ATAD2B: variants seen among roughly 807,000 people sequenced by gnomAD.
ATAD2B encodes ATPase family AAA domain containing 2B, also known as ATPase family AAA domain-containing protein 2B.
Under a neutral mutation model 167.6 loss-of-function variants are expected in ATAD2B, and 40 were observed. The ratio of observed to expected loss-of-function variants is 0.24; its 90% CI spans 0.19 to 0.31. The LOEUF is 0.31. ATAD2B is among the 10% of genes least tolerant of loss of function. The pLI is 1.00. For synonymous variants in ATAD2B, 579 were observed against 596.5 expected, an observed-to-expected ratio of 0.97 and a Z score of 0.43; for missense variants, 1,242 against 1,757.2, an observed-to-expected ratio of 0.71 and a Z score of 5.24.
At chr2:23,762,937 G>A (rs956896341) in intron 23 of ATAD2B, among the ~76,000 whole-genome samples, 6 of 152,012 alleles carry the variant, frequency 3.9e-5, no homozygotes, top group Admixed American at 1.3e-4. Context: ...ATTCCCCAGC[G>A]AAGTATCATT....
intron 17 of ATAD2B, among the ~76,000 whole-genome samples, chr2:23,818,116 C>CATT (rs774692049): frequency 0.025 from 2,265 of 91,890 alleles, 76 homozygotes; most frequent in Non-Finnish European, 0.03. Flanking sequence ...CACACACACA[C>CATT]ACACATTACA....
chr2:23,740,159 C>A, the ATAD2B span, among the ~76,000 whole-genome samples: 1 of 152,136 alleles, frequency 6.6e-6, no homozygotes, highest in Non-Finnish European at 1.5e-5. Flanking sequence ...TGAAACTATT[C>A]CAATCAATAG....
chr2:23,891,027 T>C (rs1699401934), intron 2 of ATAD2B, among the ~76,000 whole-genome samples: 1 of 151,528 alleles, frequency 6.6e-6, no homozygotes, highest in Non-Finnish European at 1.5e-5. Context: ...GAGATTTTTT[T>C]TTTTTTTTTT....
the ATAD2B span, chr2:23,706,585 G>A: frequency 2.0e-6 from 3 of 1,537,132 alleles, no homozygotes; most frequent in Non-Finnish European, 2.6e-6. Context: ...ACCAACACAT[G>A]GACCCTCCTC....
At chr2:23,733,545 T>G in the ATAD2B span, among the ~76,000 whole-genome samples, 23 of 152,346 alleles carry the variant, frequency 1.5e-4, no homozygotes, top group African/African-American at 5.3e-4. Context: ...CCTCCAGTTC[T>G]GAACCCTCTT....
At chr2:23,764,292 C>T (rs993548999) in intron 23 of ATAD2B, among the ~76,000 whole-genome samples, 10 of 152,216 alleles carry the variant, frequency 6.6e-5, no homozygotes, top group Non-Finnish European at 1.2e-4. Flanking sequence ...CATTTCACTG[C>T]TTAAAATCCT....
At chr2:23,851,856 A>C (rs2149905333) in intron 13 of ATAD2B, among the ~76,000 whole-genome samples, 1 of 152,278 alleles carries the variant, frequency 6.6e-6, no homozygotes, top group South Asian at 2.1e-4. Flanking sequence ...CTATGAAAAC[A>C]GAAGTTGCCT....
At chr2:23,682,682 ACCCTCCCGCACCCTCCCGCG>A in the ATAD2B span, among the ~76,000 whole-genome samples, 1 of 144,412 alleles carries the variant, frequency 6.9e-6, no homozygotes, top group East Asian at 2.3e-4. This position sits in a 1 kb window ranked among gnomAD's most constrained non-coding sequence, Gnocchi z 4.1. Flanking sequence ...ACCCTCCCAC[ACCCTCCCGCACCCTCCCGCG>A]CCCTCCCACT....
intron 7 of ATAD2B, among the ~76,000 whole-genome samples, chr2:23,878,522 G>C (rs1697384826): frequency 6.6e-6 from 1 of 151,634 alleles, no homozygotes; most frequent in African/African-American, 2.4e-5. Context: ...AGCCAGGCGT[G>C]GTGGCAGGCG....
the ATAD2B span, among the ~76,000 whole-genome samples, chr2:23,686,099 A>G: frequency 2.7e-5 from 4 of 149,782 alleles, no homozygotes; most frequent in African/African-American, 9.8e-5. Context: ...GGCTGAGAAG[A>G]GGGAGGAAGA....
Position 23,787,082 on chromosome 2 carries a change from A to T in ATAD2B, c.2777-859T>A, listed in dbSNP as rs539406989. Among the ~76,000 whole-genome samples, 3 of 151,790 alleles carry T rather than the reference A, an allele frequency of 2.0e-5. No individual in the cohort carries two copies. The East Asian group carries it at 5.8e-4, about 29-fold the overall frequency. On this transcript the variant is annotated intron_variant, in intron 20 of 27. Coordinates refer to ENST00000238789, the MANE Select transcript of ATAD2B (RefSeq NM_017552.4). ...AAAGGAACTAAAAAAAGAATTCCAC[A>T]GTCATGAAGGAGATGGAAAACCAGT...
At chr2:23,797,744 T>G (rs1682844403) in intron 19 of ATAD2B, among the ~76,000 whole-genome samples, 1 of 152,174 alleles carries the variant, frequency 6.6e-6, no homozygotes, top group South Asian at 2.1e-4. Flanking sequence ...TTATACAATG[T>G]TTTTAATAAT....
At chr2:23,699,508 A>T in the ATAD2B span, among the ~76,000 whole-genome samples, 1 of 152,178 alleles carries the variant, frequency 6.6e-6, no homozygotes, top group African/African-American at 2.4e-5. Context: ...CAAGACCTCA[A>T]ACATCCCAGT....
chr2:23,889,569 T>C (rs1171983076), intron 2 of ATAD2B, among the ~76,000 whole-genome samples: 1 of 152,152 alleles, frequency 6.6e-6, no homozygotes, highest in Non-Finnish European at 1.5e-5. Flanking sequence ...AAATATATTG[T>C]ACATCACAAT....
intron 9 of ATAD2B, among the ~76,000 whole-genome samples, chr2:23,869,072 C>G (rs1467138559): frequency 2.0e-5 from 3 of 152,122 alleles, no homozygotes; most frequent in African/African-American, 7.2e-5. Context: ...CCAAGACCTG[C>G]TAACTGAAAA....
chr2:23,713,625 A>G, the ATAD2B span, among the ~76,000 whole-genome samples: 1 of 152,016 alleles, frequency 6.6e-6, no homozygotes, highest in Admixed American at 6.6e-5. Flanking sequence ...GTCTCTGTGG[A>G]TTGCCTATTG....
the ATAD2B span, among the ~76,000 whole-genome samples, chr2:23,740,576 C>A: frequency 6.6e-5 from 10 of 152,120 alleles, no homozygotes; most frequent in Non-Finnish European, 1.3e-4. Context: ...CTATCTATGA[C>A]AAACCCACAG....
the ATAD2B span, among the ~76,000 whole-genome samples, chr2:23,734,231 A>G: frequency 1.3e-5 from 2 of 152,114 alleles, no homozygotes; most frequent in Non-Finnish European, 2.9e-5. Flanking sequence ...ATCTCAGCTC[A>G]CTGCAACCTC....
intron 13 of ATAD2B, among the ~76,000 whole-genome samples, chr2:23,841,570 C>T (rs146621139): frequency 3.3e-5 from 5 of 152,106 alleles, no homozygotes; most frequent in South Asian, 2.1e-4. Context: ...GGCTGGAGTA[C>T]GGTAGTATTA....
Sources: gnomAD v4.1 joint callset for allele counts (sites outside exome capture counted in the v4.1 genomes callset) on GRCh38, gnomAD v4.1.1 for gene constraint, Gnocchi (gnomAD v3.1) non-coding constraint, MANE v1.5 for transcripts, NCBI Gene and HGNC (gene_info 2026-07-23, HGNC 2026-07-21) for gene names.